The following DOCK10 variants were observed in gnomAD, a reference collection of about 807,000 sequenced individuals.
DOCK10 encodes the protein dedicator of cytokinesis 10.
In DOCK10, 145 loss-of-function variants were observed where a neutral mutation model predicts 280.1. That is an observed-to-expected ratio of 0.52 (90% CI 0.45 to 0.59). The LOEUF (loss-of-function observed/expected upper bound fraction) is 0.59. Ranked by LOEUF, DOCK10 falls within the 20% of genes least tolerant of loss-of-function variation. The probability of loss-of-function intolerance (pLI) is 0.00; values close to 1 mark genes in which losing one functional copy is unlikely to be tolerated. For missense variants in DOCK10, 2,368 were observed against 2,651.7 expected (o/e 0.89, Z 2.35); for synonymous variants, 915 against 942.2 (o/e 0.97, Z 0.53).
At chr2:224,771,215 T>C (rs879729490) in intron 53 of DOCK10, among the ~76,000 whole-genome samples, 54 of 152,344 alleles carry the variant, frequency 3.5e-4, no homozygotes, top group Admixed American at 2.8e-3. Context: ...CCCGAAGTGC[T>C]GGGATTACAG....
intron 1 of DOCK10, among the ~76,000 whole-genome samples, chr2:225,040,352 T>C (rs1413678282): frequency 6.6e-6 from 1 of 152,196 alleles, no homozygotes; most frequent in Non-Finnish European, 1.5e-5. Context: ...AAAGCTAGTT[T>C]AGGAGTGTTG....
intron 7 of DOCK10, 138 bp from the exon 8 acceptor site, chr2:224,876,359 A>G: frequency 5.8e-6 from 4 of 689,334 alleles, no homozygotes; most frequent in Non-Finnish European, 9.4e-6. Flanking sequence ...CCAGAACAAG[A>G]CAAAATTTTA....
intron 1 of DOCK10, among the ~76,000 whole-genome samples, chr2:224,934,939 T>C (rs1246180213): frequency 6.6e-6 from 1 of 152,240 alleles, no homozygotes; most frequent in Non-Finnish European, 1.5e-5. Flanking sequence ...GTACCTGTTA[T>C]TATGCATTAG....
chr2:224,779,828 C>G (rs1314409534), intron 50 of DOCK10, among the ~76,000 whole-genome samples: 6 of 152,102 alleles, frequency 3.9e-5, no homozygotes, highest in African/African-American at 1.4e-4. Flanking sequence ...AGCCAATGAA[C>G]AAGGTCTACT....
chr2:224,961,426 C>CTTTCTT (rs1704404697), intron 1 of DOCK10, among the ~76,000 whole-genome samples: 1 of 122,442 alleles, frequency 8.2e-6, no homozygotes, highest in Non-Finnish European at 1.7e-5. Context: ...TTCTTTCTTT[C>CTTTCTT]TTTCTTTCTT....
At chr2:224,803,566 C>G (rs932014136) in intron 39 of DOCK10, among the ~76,000 whole-genome samples, 9 of 152,140 alleles carry the variant, frequency 5.9e-5, no homozygotes, top group Non-Finnish European at 1.2e-4. Context: ...AAGGATGACT[C>G]CAGGTCCTAT....
At chr2:224,921,112 A>AAAAATATATATATATATAT in intron 2 of DOCK10, among the ~76,000 whole-genome samples, 5 of 54,410 alleles carry the variant, frequency 9.2e-5, no homozygotes, top group African/African-American at 3.1e-4. Context: ...AAAAAAAAAA[A>AAAAATATATATATATATAT]ATATATATAT....
At chr2:225,020,004 A>G (rs1689743640) in intron 1 of DOCK10, among the ~76,000 whole-genome samples, 1 of 152,166 alleles carries the variant, frequency 6.6e-6, no homozygotes, top group Non-Finnish European at 1.5e-5. Flanking sequence ...TTAATTCCTG[A>G]TGAATCTAGC....
intron 1 of DOCK10, among the ~76,000 whole-genome samples, chr2:224,988,837 T>C (rs1231708518): frequency 6.6e-6 from 1 of 152,198 alleles, no homozygotes; most frequent in African/African-American, 2.4e-5. Context: ...TGTGAAGTGT[T>C]CACTGGCAGC....
intron 1 of DOCK10, among the ~76,000 whole-genome samples, chr2:224,940,793 G>A: frequency 6.6e-6 from 1 of 152,172 alleles, no homozygotes; most frequent in East Asian, 1.9e-4. Context: ...TGTAGGAGGT[G>A]CCTGGTTGTG....
intron 2 of DOCK10, among the ~76,000 whole-genome samples, chr2:224,919,570 G>A (rs529766500): frequency 6.6e-6 from 1 of 150,992 alleles, no homozygotes; most frequent in East Asian, 2.0e-4. Context: ...GTGTCTGCAT[G>A]TGTATGTGTG....
intron 1 of DOCK10, among the ~76,000 whole-genome samples, chr2:224,944,213 C>T (rs1254907417): frequency 6.6e-6 from 1 of 152,078 alleles, no homozygotes; most frequent in African/African-American, 2.4e-5. Context: ...AGATCTGGGA[C>T]CCCAAGCACT....
At chr2:224,776,809 C>A (rs1006866352) in intron 51 of DOCK10, among the ~76,000 whole-genome samples, 4 of 152,200 alleles carry the variant, frequency 2.6e-5, no homozygotes, top group African/African-American at 9.6e-5. Flanking sequence ...ATGTGCTGGG[C>A]TTCTCAGCAT....
In DOCK10 at chr2:224,765,852, AAACAC is replaced by A; in HGVS notation, c.6445-20_6445-16del. On this transcript the variant is annotated splice_polypyrimidine_tract_variant and intron_variant, in intron 55 of 55. Transcript: ENST00000258390. Reference sequence around the variant, plus strand: ...CTGCCCGTAATCTTAAAACAGGGAAAAACACAACACAACAGAATGCAGAGGTTAAT... The same window carrying A: ...CTGCCCGTAATCTTAAAACAGGGAAAAACACAACAGAATGCAGAGGTTAAT... 3 of 1,594,610 alleles carry A rather than the reference AAACAC, an allele frequency of 1.9e-6. No homozygotes were observed. Among genetic ancestry groups the A allele is most frequent in the Non-Finnish European group, 2.6e-6 (3 of 1,163,342 alleles).
chr2:224,958,556 C>T (rs775834182), intron 1 of DOCK10, among the ~76,000 whole-genome samples: 1 of 152,186 alleles, frequency 6.6e-6, no homozygotes, highest in Non-Finnish European at 1.5e-5. Flanking sequence ...TTTAAATCCC[C>T]TCTGTGCACA....
intron 18 of DOCK10, among the ~76,000 whole-genome samples, chr2:224,851,572 A>T (rs1460564269): frequency 1.3e-5 from 2 of 151,738 alleles, no homozygotes; most frequent in Non-Finnish European, 2.9e-5. Flanking sequence ...AGAGGACTCA[A>T]TTTGTACCAG....
chr2:224,875,422 C>T (rs1698560295), intron 8 of DOCK10, among the ~76,000 whole-genome samples: 1 of 152,090 alleles, frequency 6.6e-6, no homozygotes, highest in Admixed American at 6.6e-5. Flanking sequence ...GTTGAACTTG[C>T]CTTCTATGTA....
intron 50 of DOCK10, among the ~76,000 whole-genome samples, chr2:224,784,585 GA>G (rs1168468608): frequency 6.6e-6 from 1 of 152,194 alleles, no homozygotes; most frequent in Non-Finnish European, 1.5e-5. Context: ...AATGCAGGAT[GA>G]CTCCAAAAAT....
Position 224,796,374 on chromosome 2 carries a change from C to A in DOCK10, c.4880G>T (p.Arg1627Leu). 1 of 1,573,960 alleles carries A rather than the reference C, an allele frequency of 6.4e-7. No individual in the cohort carries two copies. ...LIADAGIGGSRFQHSLAITNN... is the reference protein window; with the variant it reads ...LIADAGIGGSLFQHSLAITNN... ...GGTAATTGCAAGCGAATGTTGAAACCGAGAGCCTCCAATCCCAGCATCGGC... is the reference window on the plus strand; with the variant it reads ...GGTAATTGCAAGCGAATGTTGAAACAGAGAGCCTCCAATCCCAGCATCGGC... Residue 1627 changes from arginine to leucine, a missense_variant, in exon 44 of 56, where the codon CGG becomes CTG. This residue lies in a region of DOCK10 where 1,159 missense variants were observed against 1,400.8 expected (regional missense o/e 0.83). Transcript: ENST00000258390.
Sources: allele counts gnomAD v4.1 joint callset (sites outside exome capture counted in the v4.1 genomes callset), GRCh38; gene constraint gnomAD v4.1.1; regional missense constraint gnomAD v4.1.1; transcripts MANE v1.5; gene names NCBI Gene and HGNC (gene_info 2026-07-23, HGNC 2026-07-21).